ST8SIA2: variants seen among roughly 807,000 people sequenced by gnomAD.
The protein encoded by ST8SIA2 is ST8 alpha-N-acetyl-neuraminide alpha-2,8-sialyltransferase 2, also known as alpha-2,8-sialyltransferase 8B.
A neutral mutation model predicts 37.6 loss-of-function variants in ST8SIA2; 22 were observed. That is an observed-to-expected ratio of 0.58 (90% CI 0.42 to 0.83). The LOEUF (loss-of-function observed/expected upper bound fraction) is 0.83, where lower values mean the gene tolerates loss of function less well. Among genes scored for constraint, ST8SIA2 ranks in the 40% least tolerant of loss-of-function variants. ST8SIA2 has a pLI of 0.00. For synonymous variants in ST8SIA2, 205 were observed against 201.2 expected, an observed-to-expected ratio of 1.02 and a Z score of -0.16; for missense variants, 382 against 484.7, an observed-to-expected ratio of 0.79 and a Z score of 1.99.
At chr15:92,431,565 G>A (rs553204173) in intron 2 of ST8SIA2, among the ~76,000 whole-genome samples, 1 of 147,316 alleles carries the variant, frequency 6.8e-6, no homozygotes, top group South Asian at 2.1e-4. Context: ...TTCAGGAGTC[G>A]GGAGGTGAAG....
intron 4 of ST8SIA2, among the ~76,000 whole-genome samples, chr15:92,439,063 C>T (rs999873121): frequency 1.3e-5 from 2 of 152,150 alleles, no homozygotes; most frequent in Non-Finnish European, 2.9e-5. Flanking sequence ...AGAGTCAGAA[C>T]AGAGAGATCA....
intron 2 of ST8SIA2, among the ~76,000 whole-genome samples, chr15:92,432,596 C>T (rs1191775538): frequency 6.6e-6 from 1 of 152,124 alleles, no homozygotes; most frequent in African/African-American, 2.4e-5. Flanking sequence ...AGTAAAAATT[C>T]CAAAGGGTTA....
At chr15:92,406,391 G>A (rs1185583627) in intron 1 of ST8SIA2, among the ~76,000 whole-genome samples, 1 of 152,214 alleles carries the variant, frequency 6.6e-6, no homozygotes, top group Non-Finnish European at 1.5e-5. Flanking sequence ...CAGTGAGCTA[G>A]AGCCTTGTCA....
intron 1 of ST8SIA2, among the ~76,000 whole-genome samples, chr15:92,407,851 C>T (rs2049519618): frequency 6.6e-6 from 1 of 152,156 alleles, no homozygotes; most frequent in Admixed American, 6.5e-5. Flanking sequence ...ATAAAGATTC[C>T]TTTTGTGATA....
intron 4 of ST8SIA2, among the ~76,000 whole-genome samples, chr15:92,440,913 C>G (rs1456355067): frequency 6.6e-6 from 1 of 152,202 alleles, no homozygotes; most frequent in Non-Finnish European, 1.5e-5. Flanking sequence ...TGTTAATTCC[C>G]CATGGACTCT....
At chr15:92,443,551 G>T (rs891066509) in intron 4 of ST8SIA2, among the ~76,000 whole-genome samples, 1 of 151,944 alleles carries the variant, frequency 6.6e-6, no homozygotes, top group African/African-American at 2.4e-5. Context: ...ATTCTAAACC[G>T]TCCCTGTCAC....
chr15:92,422,490 A>G (rs1212780428), intron 1 of ST8SIA2: 1 of 152,236 alleles, frequency 6.6e-6, no homozygotes, highest in Non-Finnish European at 1.5e-5. Context: ...ACAGACAAGG[A>G]CTCGGGCAAC....
In ST8SIA2 at chr15:92,417,187, C is replaced by A. The variant is rs73545822; in HGVS notation, c.99-12862C>A. ...GAGGTCTAGGGCTGCAAAACTAGAA[C>A]CCATCAGGAACCAGAACTCCAGTCC... On this transcript the variant is annotated intron_variant, in intron 1 of 5. Transcript: ENST00000268164. 1.7e-3 allele frequency among the ~76,000 whole-genome samples: 261 copies of A among 152,292 alleles called. 1 individual carries two copies. The highest frequency in any genetic ancestry group is 6.0e-3 in the African/African-American group (250 of 41,562).
chr15:92,441,615 A>G (rs546666937), intron 4 of ST8SIA2, among the ~76,000 whole-genome samples: 3 of 147,494 alleles, frequency 2.0e-5, no homozygotes, highest in Admixed American at 1.3e-4. Context: ...ACACACACAC[A>G]CACACGCACT....
chr15:92,423,924 A>G (rs1257348635), intron 1 of ST8SIA2, among the ~76,000 whole-genome samples: 1 of 152,222 alleles, frequency 6.6e-6, no homozygotes, highest in Admixed American at 6.5e-5. Context: ...ACCACTGTTG[A>G]CAGCCCTGGT....
chr15:92,407,137 C>T (rs1293241938), intron 1 of ST8SIA2, among the ~76,000 whole-genome samples: 2 of 152,102 alleles, frequency 1.3e-5, no homozygotes, highest in African/African-American at 2.4e-5. Flanking sequence ...AAAACCCCTG[C>T]AACACCCATT....
chr15:92,427,448 C>T (rs1456372937), intron 1 of ST8SIA2, among the ~76,000 whole-genome samples: 1 of 152,064 alleles, frequency 6.6e-6, no homozygotes, highest in Non-Finnish European at 1.5e-5. Flanking sequence ...TCCAGAGCCA[C>T]CTTAGATTTC....
At chr15:92,404,712 T>C (rs1023999089) in intron 1 of ST8SIA2, among the ~76,000 whole-genome samples, 2 of 150,632 alleles carry the variant, frequency 1.3e-5, no homozygotes, top group African/African-American at 4.9e-5. Context: ...GCTGCATGCC[T>C]GTAGTCCCAG....
intron 5 of ST8SIA2, 33 bp from the exon 6 acceptor site, chr15:92,464,067 C>CT (rs1371561915): frequency 1.1e-5 from 15 of 1,357,278 alleles, no homozygotes; most frequent in African/African-American, 2.0e-5. Flanking sequence ...ACCCATGTTT[C>CT]TTTTCTTTTT....
chr15:92,453,354 C>A (rs540715247), intron 5 of ST8SIA2, among the ~76,000 whole-genome samples: 2 of 152,302 alleles, frequency 1.3e-5, no homozygotes, highest in South Asian at 4.1e-4. Flanking sequence ...GTCTGCTTAG[C>A]ACATTCACTG....
At chr15:92,444,573 A>T (rs1270269430) in intron 4 of ST8SIA2, 63 bp from the exon 5 acceptor site, 2 of 1,605,770 alleles carry the variant, frequency 1.2e-6, no homozygotes, top group Non-Finnish European at 1.7e-6. Flanking sequence ...GATGGGATCG[A>T]GTTAAACAGA....
At chr15:92,456,736 C>G (rs758972094) in intron 5 of ST8SIA2, among the ~76,000 whole-genome samples, 4 of 152,176 alleles carry the variant, frequency 2.6e-5, no homozygotes, top group African/African-American at 9.7e-5. Context: ...GAGAGATGTG[C>G]AGGCCCAGAT....
At chr15:92,424,219 C>T (rs78612467) in intron 1 of ST8SIA2, among the ~76,000 whole-genome samples, 1 of 152,196 alleles carries the variant, frequency 6.6e-6, no homozygotes, top group African/African-American at 2.4e-5. Flanking sequence ...TCATTCTGAG[C>T]CTGACTCTCC....
intron 2 of ST8SIA2, 54 bp downstream of exon 2, chr15:92,430,165 T>C: frequency 6.5e-7 from 1 of 1,543,780 alleles, no homozygotes; most frequent in African/African-American, 1.4e-5. Flanking sequence ...CAGCTATTAA[T>C]CTGCTTCTCT....
Sources: gnomAD v4.1 joint callset for allele counts (sites outside exome capture counted in the v4.1 genomes callset) on GRCh38, gnomAD v4.1.1 for gene constraint, MANE v1.5 for transcripts, NCBI Gene and HGNC (gene_info 2026-07-23, HGNC 2026-07-21) for gene names.